Variants in ABCC4 observed in about 807,000 individuals in gnomAD.
The protein encoded by ABCC4 is ATP binding cassette subfamily C member 4 (PEL blood group), also known as ATP-binding cassette sub-family C member 4.
ABCC4 carries 102 observed loss-of-function variants against 168.5 expected under a neutral mutation model. The ratio of observed to expected loss-of-function variants is 0.61; its 90% CI spans 0.52 to 0.71. ABCC4 has a LOEUF of 0.71. ABCC4 is among the 30% of genes least tolerant of loss of function. The pLI, the probability that ABCC4 is intolerant of heterozygous loss-of-function variation, is 0.00. For missense variants in ABCC4, 1,402 were observed against 1,605.8 expected, an observed-to-expected ratio of 0.87 and a Z score of 2.17; for synonymous variants, 617 against 590.7, an observed-to-expected ratio of 1.04 and a Z score of -0.65.
chr13:95,029,200 A>ATC (rs2031713958), intron 30 of ABCC4, among the ~76,000 whole-genome samples: 1 of 79,948 alleles, frequency 1.3e-5, no homozygotes, highest in African/African-American at 5.3e-5. Flanking sequence ...ATATATATAT[A>ATC]TATATATATA....
intron 19 of ABCC4, among the ~76,000 whole-genome samples, chr13:95,117,118 T>C (rs1489229303): frequency 6.6e-6 from 1 of 152,128 alleles, no homozygotes; most frequent in African/African-American, 2.4e-5. Context: ...AATTTTCTTG[T>C]CTCAGGCTTC....
intron 1 of ABCC4, among the ~76,000 whole-genome samples, chr13:95,290,203 C>T (rs943865965): frequency 7.9e-5 from 12 of 152,098 alleles, no homozygotes; most frequent in Non-Finnish European, 1.6e-4. Context: ...TTCCAATTGG[C>T]CTATAAGGGG....
intron 13 of ABCC4, among the ~76,000 whole-genome samples, chr13:95,175,474 C>T (rs999075879): frequency 6.6e-6 from 1 of 152,032 alleles, no homozygotes; most frequent in Non-Finnish European, 1.5e-5. Flanking sequence ...CACCATCCAC[C>T]ACTGATTTTT....
chr13:95,051,356 T>C (rs2032821681), intron 27 of ABCC4, among the ~76,000 whole-genome samples: 1 of 152,132 alleles, frequency 6.6e-6, no homozygotes, highest in South Asian at 2.1e-4. Flanking sequence ...CAATGACAAA[T>C]GCACCAATTC....
intron 1 of ABCC4, among the ~76,000 whole-genome samples, chr13:95,300,993 A>T (rs960056386): frequency 4.6e-5 from 7 of 151,764 alleles, no homozygotes; most frequent in African/African-American, 1.7e-4. Context: ...CTCCAGTAGC[A>T]AAGCCACTGG....
intron 19 of ABCC4, chr13:95,148,939 G>T (rs1025720287): frequency 6.6e-6 from 1 of 152,158 alleles, no homozygotes; most frequent in Non-Finnish European, 1.5e-5. Context: ...ACAGCTTCTC[G>T]TGTGTGAAAG....
chr13:95,187,525 C>A (rs530439461), intron 10 of ABCC4, among the ~76,000 whole-genome samples: 1 of 152,160 alleles, frequency 6.6e-6, no homozygotes, highest in Non-Finnish European at 1.5e-5. Flanking sequence ...ATCACTTGAA[C>A]CTAGGGAAAT....
chr13:95,024,126 G>T (rs2031250954), intron 30 of ABCC4, among the ~76,000 whole-genome samples: 1 of 148,002 alleles, frequency 6.8e-6, no homozygotes, highest in South Asian at 2.1e-4. Flanking sequence ...AGAATCACTT[G>T]AACCCAGGAG....
chr13:95,083,031 G>A, intron 21 of ABCC4, 109 bp downstream of exon 21: 7 of 1,255,218 alleles, frequency 5.6e-6, no homozygotes, highest in African/African-American at 1.5e-5. Flanking sequence ...CCTAATGTTA[G>A]AGAAATTCTG....
At chr13:95,151,617 A>AAGAAGGAGAAGAAGGAGG (rs1037521376) in intron 19 of ABCC4, among the ~76,000 whole-genome samples, 1 of 137,504 alleles carries the variant, frequency 7.3e-6, no homozygotes, top group Non-Finnish European at 1.6e-5. Flanking sequence ...GGAGAAGGAG[A>AAGAAGGAGAAGAAGGAGG]AGAAGGAGAA....
chr13:95,032,678 T>C (rs1336897284), intron 30 of ABCC4, among the ~76,000 whole-genome samples: 1 of 63,400 alleles, frequency 1.6e-5, no homozygotes, highest in Non-Finnish European at 2.8e-5. Context: ...TTCTTTTTTT[T>C]TTTTGAGACG....
chr13:95,113,644 T>C (rs764389060), intron 20 of ABCC4, among the ~76,000 whole-genome samples: 1 of 152,012 alleles, frequency 6.6e-6, no homozygotes, highest in Non-Finnish European at 1.5e-5. Context: ...TTTTTTTGGG[T>C]GGGTGGCTTT....
chr13:95,195,040 C>T, intron 8 of ABCC4, 103 bp from the exon 9 acceptor site: 1 of 860,522 alleles, frequency 1.2e-6, no homozygotes. Flanking sequence ...CTTTATACAG[C>T]CTACAGATCA....
chr13:95,175,839 C>T lies in ABCC4; in HGVS notation c.1727+1868G>A, dbSNP rs149280091. Among the ~76,000 whole-genome samples, 814 of 151,726 alleles carry T rather than the reference C, an allele frequency of 5.4e-3. 13 individuals carry two copies. Among genetic ancestry groups the T allele is most frequent in the Admixed American group, 0.043 (659 of 15,282 alleles). On this transcript the variant is annotated intron_variant, in intron 13 of 30. Transcript: ENST00000645237. ...CCAGAACTCTGCAGAAACAACCTGC[C>T]GCTGTGGAAGCCCCCCAGCCTGTGG...
intron 20 of ABCC4, among the ~76,000 whole-genome samples, chr13:95,096,683 A>C (rs2139362361): frequency 6.6e-6 from 1 of 152,290 alleles, no homozygotes; most frequent in Non-Finnish European, 1.5e-5. Flanking sequence ...AAAAAAAGAA[A>C]ACTGTCAACC....
intron 27 of ABCC4, among the ~76,000 whole-genome samples, chr13:95,050,676 A>C (rs907182527): frequency 2.6e-5 from 4 of 152,162 alleles, no homozygotes; most frequent in African/African-American, 9.7e-5. Context: ...TGATGGGATA[A>C]TTTTTCACTT....
intron 9 of ABCC4, among the ~76,000 whole-genome samples, chr13:95,188,754 G>C (rs898678918): frequency 1.2e-4 from 18 of 152,080 alleles, no homozygotes; most frequent in Admixed American, 1.3e-4. Flanking sequence ...CAGTACTTAA[G>C]GAAGGCCCAT....
intron 26 of ABCC4, among the ~76,000 whole-genome samples, chr13:95,057,066 G>A (rs759302417): frequency 2.0e-5 from 3 of 152,284 alleles, no homozygotes; most frequent in South Asian, 2.1e-4. Flanking sequence ...CTGAGTTATA[G>A]TATCACCTTG....
At chr13:95,086,790 T>G (rs1459992303) in intron 20 of ABCC4, among the ~76,000 whole-genome samples, 2 of 152,196 alleles carry the variant, frequency 1.3e-5, no homozygotes, top group African/African-American at 4.8e-5. Flanking sequence ...CTGTCAACCT[T>G]CTATTAGGTA....
Sources: gnomAD v4.1 joint callset for allele counts (sites outside exome capture counted in the v4.1 genomes callset) on GRCh38, gnomAD v4.1.1 for gene constraint, MANE v1.5 for transcripts, NCBI Gene and HGNC (gene_info 2026-07-23, HGNC 2026-07-21) for gene names.